The following FHIT variants were observed in gnomAD, a reference collection of about 807,000 sequenced individuals.
FHIT encodes bis(5'-adenosyl)-triphosphatase.
In FHIT, 19 loss-of-function variants were observed where a neutral mutation model predicts 17.9. The ratio of observed to expected loss-of-function variants is 1.06; its 90% CI spans 0.74 to 1.56. The LOEUF (loss-of-function observed/expected upper bound fraction) is 1.56, where lower values mean the gene tolerates loss of function less well. Ranked by LOEUF, FHIT falls within the 40% of genes most tolerant of loss-of-function variation. FHIT has a pLI of 0.00. For missense variants in FHIT, 248 were observed against 189.2 expected (o/e 1.31, Z -1.82); for synonymous variants, 81 against 69.7 (o/e 1.16, Z -0.81).
intron 4 of FHIT, among the ~76,000 whole-genome samples, chr3:60,733,187 G>A (rs2042068022): frequency 6.6e-6 from 1 of 152,166 alleles, no homozygotes; most frequent in Admixed American, 6.5e-5. Flanking sequence ...GGTGAAGACT[G>A]CGACAAACCA....
intron 7 of FHIT, among the ~76,000 whole-genome samples, chr3:59,971,419 G>A (rs1708175877): frequency 6.6e-6 from 1 of 152,120 alleles, no homozygotes; most frequent in Non-Finnish European, 1.5e-5. Flanking sequence ...TGCTATGTCT[G>A]AAGGGTCCTG....
At chr3:60,422,969 C>A (rs1297245108) in intron 5 of FHIT, among the ~76,000 whole-genome samples, 6 of 152,216 alleles carry the variant, frequency 3.9e-5, no homozygotes, top group Non-Finnish European at 7.4e-5. Flanking sequence ...AGATACTCTA[C>A]CTACACTTGT....
chr3:60,396,960 A>T (rs1701467904), intron 5 of FHIT, among the ~76,000 whole-genome samples: 1 of 152,102 alleles, frequency 6.6e-6, no homozygotes, highest in Non-Finnish European at 1.5e-5. Flanking sequence ...AGGATGTGGG[A>T]AGGGGCTTTA....
chr3:61,014,807 A>AAATATATATATAT (rs1553798839), intron 3 of FHIT, among the ~76,000 whole-genome samples: 1 of 49,102 alleles, frequency 2.0e-5, no homozygotes, highest in Non-Finnish European at 4.6e-5. Flanking sequence ...AAAAAAAAAA[A>AAATATATATATAT]ATATATATAT....
At chr3:60,538,252 AAGG>A (rs1407884817) in intron 4 of FHIT, among the ~76,000 whole-genome samples, 1 of 152,244 alleles carries the variant, frequency 6.6e-6, no homozygotes. Flanking sequence ...GGACCTCTTC[AAGG>A]AGAACTACAA....
intron 5 of FHIT, chr3:60,536,510 G>C (rs993546715): frequency 1.0e-5 from 2 of 196,028 alleles, no homozygotes; most frequent in Non-Finnish European, 2.0e-5. Context: ...CAGATAAGCT[G>C]AAAACCAAGT....
chr3:60,346,021 T>C (rs139443388), intron 5 of FHIT, among the ~76,000 whole-genome samples: 1 of 152,226 alleles, frequency 6.6e-6, no homozygotes, highest in East Asian at 1.9e-4. Context: ...CTATTCTTCC[T>C]TTTAAGATTT....
intron 2 of FHIT, among the ~76,000 whole-genome samples, chr3:61,095,207 C>T (rs2035601985): frequency 6.6e-6 from 1 of 152,150 alleles, no homozygotes; most frequent in African/African-American, 2.4e-5. Flanking sequence ...TGAGACATGC[C>T]TTGTATAATA....
intron 3 of FHIT, among the ~76,000 whole-genome samples, chr3:60,844,280 C>T (rs973935576): frequency 1.3e-5 from 2 of 151,950 alleles, no homozygotes; most frequent in African/African-American, 2.4e-5. Context: ...GTTCCAGAAA[C>T]AAGAAATAAA....
chr3:60,848,634 C>G (rs143070479), intron 3 of FHIT, among the ~76,000 whole-genome samples: 1 of 152,264 alleles, frequency 6.6e-6, no homozygotes, highest in African/African-American at 2.4e-5. Flanking sequence ...AGTCATTTAA[C>G]TTTCCTGAGC....
chr3:60,141,673 T>C (rs912659612), intron 5 of FHIT, among the ~76,000 whole-genome samples: 2 of 152,124 alleles, frequency 1.3e-5, no homozygotes, highest in African/African-American at 2.4e-5. Flanking sequence ...TCCTAAAGAG[T>C]CAACTGTTAA....
At chr3:60,938,603 G>C (rs140384757) in intron 3 of FHIT, among the ~76,000 whole-genome samples, 34 of 152,340 alleles carry the variant, frequency 2.2e-4, no homozygotes, top group African/African-American at 7.7e-4. Flanking sequence ...TGACATGTAA[G>C]GAATCTGAAC....
chr3:60,079,677 G>T (rs1038161882), intron 5 of FHIT, among the ~76,000 whole-genome samples: 1 of 151,928 alleles, frequency 6.6e-6, no homozygotes, highest in Non-Finnish European at 1.5e-5. Flanking sequence ...AAGAAGATAC[G>T]TGGGAAGGAA....
chr3:60,474,748 C>T (rs901544645), intron 5 of FHIT, among the ~76,000 whole-genome samples: 18 of 152,050 alleles, frequency 1.2e-4, no homozygotes, highest in Non-Finnish European at 2.2e-4. Context: ...CTCAGCCTCC[C>T]GAGTAGCTGG....
At chr3:60,725,901 T>C (rs2041907759) in intron 4 of FHIT, among the ~76,000 whole-genome samples, 1 of 152,108 alleles carries the variant, frequency 6.6e-6, no homozygotes, top group Non-Finnish European at 1.5e-5. Flanking sequence ...ATTATCTTCA[T>C]TTTACAGATG....
intron 4 of FHIT, among the ~76,000 whole-genome samples, chr3:60,595,093 T>A (rs979543449): frequency 6.6e-6 from 1 of 151,954 alleles, no homozygotes; most frequent in East Asian, 1.9e-4. Context: ...GAGGACAGGA[T>A]ATAAAGAAGC....
At chr3:60,227,702 G>A (rs912106063) in intron 5 of FHIT, among the ~76,000 whole-genome samples, 2 of 152,112 alleles carry the variant, frequency 1.3e-5, no homozygotes, top group Non-Finnish European at 2.9e-5. Flanking sequence ...ACAAGTATTA[G>A]GTATCAGTCA....
At chr3:60,571,903 C>G (rs2037396903) in intron 4 of FHIT, among the ~76,000 whole-genome samples, 1 of 152,100 alleles carries the variant, frequency 6.6e-6, no homozygotes, top group Non-Finnish European at 1.5e-5. Context: ...ATTTATGGCA[C>G]AGGAATAGAA....
chr3:60,055,583 G>A (rs1221651774), intron 5 of FHIT, among the ~76,000 whole-genome samples: 3 of 151,806 alleles, frequency 2.0e-5, no homozygotes, highest in Non-Finnish European at 4.4e-5. Flanking sequence ...AAACAATGAA[G>A]AAAGAAGAGA....
Sources: allele counts gnomAD v4.1 joint callset (sites outside exome capture counted in the v4.1 genomes callset), GRCh38; gene constraint gnomAD v4.1.1; transcripts MANE v1.5; gene names NCBI Gene and HGNC (gene_info 2026-07-23, HGNC 2026-07-21).